Variants in ELF5 observed in about 807,000 individuals in gnomAD.
ELF5 encodes the protein E74 like ETS transcription factor 5, also known as ETS-related transcription factor Elf-5.
Under a neutral mutation model 38.2 loss-of-function variants are expected in ELF5, and 31 were observed. That is an observed-to-expected ratio of 0.81 (90% CI 0.61 to 1.10). The LOEUF (loss-of-function observed/expected upper bound fraction) is 1.10, where lower values mean the gene tolerates loss of function less well. Ranked by LOEUF, ELF5 falls within the 50% of genes least tolerant of loss-of-function variation. The pLI is 0.00. For missense variants in ELF5, 300 were observed against 306.6 expected, an observed-to-expected ratio of 0.98 and a Z score of 0.16; for synonymous variants, 121 against 112.5, an observed-to-expected ratio of 1.08 and a Z score of -0.48.
At chr11:34,499,592 G>C (rs974615645) in intron 2 of ELF5, among the ~76,000 whole-genome samples, 2 of 152,178 alleles carry the variant, frequency 1.3e-5, no homozygotes, top group African/African-American at 4.8e-5. Flanking sequence ...TGCAAAATTT[G>C]CAGGTTCTAA....
intron 2 of ELF5, 130 bp from the exon 3 acceptor site, chr11:34,493,842 G>T: frequency 1.3e-6 from 1 of 753,494 alleles, no homozygotes; most frequent in Non-Finnish European, 2.1e-6. Context: ...TCCAGCCCTG[G>T]GTGTTCTGCA....
chr11:34,512,641 A>G (rs1015137525), intron 1 of ELF5, among the ~76,000 whole-genome samples: 2 of 151,642 alleles, frequency 1.3e-5, no homozygotes, highest in Admixed American at 1.3e-4. Context: ...CATAATACAT[A>G]TATTCAATCC....
At chr11:34,483,480 G>A (rs913489862) in intron 4 of ELF5, among the ~76,000 whole-genome samples, 5 of 151,840 alleles carry the variant, frequency 3.3e-5, no homozygotes, top group African/African-American at 1.2e-4. Flanking sequence ...TATAGTAACT[G>A]TACTGCACCA....
intron 2 of ELF5, among the ~76,000 whole-genome samples, chr11:34,495,381 C>A (rs1414104693): frequency 6.6e-6 from 1 of 152,166 alleles, no homozygotes; most frequent in Non-Finnish European, 1.5e-5. Flanking sequence ...TGATTCCAGG[C>A]AGGAGGTGGG....
At position 34,493,462 on chromosome 11, in the gene ELF5, G is replaced by A. The variant is rs72558003; in HGVS notation, c.355+17C>T. 1.9e-6 allele frequency: 3 copies of A among 1,608,748 alleles called. No homozygotes were observed. The highest frequency in any genetic ancestry group is 2.5e-6 in the Non-Finnish European group (3 of 1,176,970). ...TCCTGGTCCCTCCCCTGGAGGTCTG[G>A]CCCTCTGAACACTGACCTTGTGTGC... On this transcript the variant is annotated intron_variant, in intron 3 of 6. Coordinates refer to ENST00000257832, the MANE Select transcript of ELF5 (RefSeq NM_001422.4).
At chr11:34,511,663 T>G in intron 1 of ELF5, 14 of 1,521,162 alleles carry the variant, frequency 9.2e-6, no homozygotes, top group Non-Finnish European at 1.3e-5. Flanking sequence ...TCCACCGAGT[T>G]GGAGGGACAG....
At chr11:34,480,663 C>T (rs1304045378) in intron 6 of ELF5, 109 bp downstream of exon 6, 1 of 1,259,870 alleles carries the variant, frequency 7.9e-7, no homozygotes, top group Non-Finnish European at 1.1e-6. Flanking sequence ...TGTCTCATGA[C>T]CTTTCCATTA....
intron 4 of ELF5, among the ~76,000 whole-genome samples, chr11:34,487,655 C>G (rs1292386120): frequency 1.3e-5 from 2 of 152,144 alleles, no homozygotes; most frequent in Non-Finnish European, 2.9e-5. Context: ...CTGCTCTCGG[C>G]CTCAGCTCCC....
chr11:34,501,143 T>C (rs1321645214), intron 2 of ELF5, among the ~76,000 whole-genome samples: 1 of 152,204 alleles, frequency 6.6e-6, no homozygotes, highest in Non-Finnish European at 1.5e-5. Context: ...GGGTGTATTC[T>C]GGCTCCTGCA....
At chr11:34,511,717 A>G in intron 1 of ELF5, 2 of 965,506 alleles carry the variant, frequency 2.1e-6, no homozygotes, top group East Asian at 2.6e-5. Context: ...GGCAGCAATA[A>G]CAGGTGTGGC....
Position 34,490,034 on chromosome 11 carries a change from T to C in ELF5, c.381A>G (p.Glu127=), listed in dbSNP as rs776181635. The C allele has an allele frequency of 6.2e-7, 1 of 1,614,026 alleles. No individual in the cohort carries two copies. Among genetic ancestry groups the C allele is most frequent in the Non-Finnish European group, 8.5e-7 (1 of 1,179,948 alleles). The change falls in exon 4 of 7, where the codon GAA becomes GAG. Residue 127 remains glutamate (E), a synonymous_variant. Transcript: ENST00000257832. The part of the protein sequence containing the change: ...TQGYSFFNDA[E]ESKATIKDYA... ...AGTCTTTGATGGTGGCCTTGCTTTC[T>C]TCAGCGTCATTAAAAAAGGAGTAAC...
At chr11:34,486,187 C>T (rs1849991432) in intron 4 of ELF5, among the ~76,000 whole-genome samples, 2 of 152,152 alleles carry the variant, frequency 1.3e-5, no homozygotes, top group African/African-American at 4.8e-5. Flanking sequence ...AGCCCACACC[C>T]CATGCCAGGC....
At chr11:34,494,683 A>G (rs541358506) in intron 2 of ELF5, among the ~76,000 whole-genome samples, 2 of 152,328 alleles carry the variant, frequency 1.3e-5, no homozygotes, top group South Asian at 2.1e-4. Flanking sequence ...TGGGGTGGAC[A>G]TAAGGTATGG....
At chr11:34,487,698 T>A (rs1228620439) in intron 4 of ELF5, among the ~76,000 whole-genome samples, 1 of 152,100 alleles carries the variant, frequency 6.6e-6, no homozygotes. Context: ...CTGAGACTAC[T>A]GATGCCGTGA....
In ELF5 at chr11:34,497,910, G is replaced by A. The variant is rs118150856; in HGVS notation, c.122-4198C>T. On this transcript the variant is annotated intron_variant, in intron 2 of 6. Coordinates refer to ENST00000257832, the MANE Select transcript of ELF5 (RefSeq NM_001422.4). ...CCTTCAAGATTATTGTTTGGAGTGG[G>A]CATGCTAAGACTTTGAAGGATTCTT... Among the ~76,000 whole-genome samples, 374 of 152,272 alleles carry A rather than the reference G, an allele frequency of 2.5e-3. 1 individual carries two copies. The highest frequency in any genetic ancestry group is 4.5e-3 in the Non-Finnish European group (306 of 68,014).
intron 4 of ELF5, among the ~76,000 whole-genome samples, chr11:34,487,988 C>G (rs1474839328): frequency 6.6e-6 from 1 of 152,094 alleles, no homozygotes; most frequent in East Asian, 1.9e-4. Context: ...TGGCCATTCG[C>G]TGCTTGGAAC....
At position 34,493,609 on chromosome 11, in the gene ELF5, A is replaced by T. The variant is rs1175974545; in HGVS notation, c.225T>A (p.Asn75Lys). The T allele has an allele frequency of 6.2e-7, 1 of 1,614,184 alleles. No homozygotes were observed. Among genetic ancestry groups the T allele is most frequent in the South Asian group, 1.1e-5 (1 of 91,082 alleles). Residue 75 changes from asparagine to lysine, a missense_variant, in exon 3 of 7, where the codon AAT becomes AAA. Coordinates refer to ENST00000257832, the MANE Select transcript of ELF5 (RefSeq NM_001422.4). ...FCCDQYKLDT[N>K]CISFCNFNIS... Reference sequence around the variant, plus strand: ...TGTTGAAGTTGCAGAAGGAGATGCAATTGGTGTCCAACTTGTACTGGTCGC... The same window carrying T: ...TGTTGAAGTTGCAGAAGGAGATGCATTTGGTGTCCAACTTGTACTGGTCGC...
intron 1 of ELF5, among the ~76,000 whole-genome samples, chr11:34,512,492 C>G (rs1301756664): frequency 2.0e-5 from 3 of 152,050 alleles, no homozygotes; most frequent in Non-Finnish European, 2.9e-5. Flanking sequence ...ACCCAGACTG[C>G]TGAAATTCTT....
chr11:34,482,486 G>A lies in ELF5; in HGVS notation c.420C>T (p.Asn140=). The A allele has an allele frequency of 6.8e-6, 11 of 1,613,056 alleles. No individual in the cohort carries two copies. The highest frequency in any genetic ancestry group is 9.3e-6 in the Non-Finnish European group (11 of 1,179,704). Residue 140 remains asparagine (N), a synonymous_variant, in exon 5 of 7, where the codon AAC becomes AAT. Transcript: ENST00000257832. ...KATIKDYADS[N]CLKTSGIKSQ... ...TTTTGATGCCACTTGTTTTCAAGCA[G>A]TTGGAATCAGCATCTGAAATAGAAT...
Sources: gnomAD v4.1 joint callset for allele counts (sites outside exome capture counted in the v4.1 genomes callset) on GRCh38, gnomAD v4.1.1 for gene constraint, MANE v1.5 for transcripts, NCBI Gene and HGNC (gene_info 2026-07-23, HGNC 2026-07-21) for gene names.